CACNA2D3: variants seen among roughly 807,000 people sequenced by gnomAD.
The protein encoded by CACNA2D3 is calcium voltage-gated channel auxiliary subunit alpha2delta 3.
A neutral mutation model predicts 160.6 loss-of-function variants in CACNA2D3; 60 were observed. The ratio of observed to expected loss-of-function variants is 0.37; its 90% CI spans 0.30 to 0.46. The LOEUF (loss-of-function observed/expected upper bound fraction) is 0.46, where lower values mean the gene tolerates loss of function less well. Among genes scored for constraint, CACNA2D3 ranks in the 20% least tolerant of loss-of-function variants. The pLI is 1.00. For missense variants in CACNA2D3, 1,205 were observed against 1,365.0 expected (o/e 0.88, Z 1.85); for synonymous variants, 558 against 492.9 (o/e 1.13, Z -1.75).
intron 2 of CACNA2D3, among the ~76,000 whole-genome samples, chr3:54,279,236 A>T (rs1468221890): frequency 6.6e-6 from 1 of 152,170 alleles, no homozygotes; most frequent in African/African-American, 2.4e-5. Flanking sequence ...TGAGGTGCAG[A>T]TTCTGACTAA....
chr3:54,890,610 G>A (rs958899401), intron 24 of CACNA2D3, among the ~76,000 whole-genome samples: 5 of 152,106 alleles, frequency 3.3e-5, no homozygotes, highest in South Asian at 4.1e-4. Flanking sequence ...TAAAGAACAC[G>A]CTCAAGCATA....
intron 2 of CACNA2D3, among the ~76,000 whole-genome samples, chr3:54,311,988 G>C (rs973518766): frequency 2.0e-5 from 3 of 152,154 alleles, no homozygotes; most frequent in African/African-American, 4.8e-5. Flanking sequence ...GGGTGGGAAC[G>C]TGAGGCTTCT....
At chr3:54,367,891 T>G (rs181800509) in intron 3 of CACNA2D3, among the ~76,000 whole-genome samples, 30 of 152,264 alleles carry the variant, frequency 2.0e-4, no homozygotes, top group Middle Eastern at 3.4e-3. Context: ...CACCTTGAAC[T>G]CTAGTATTTT....
intron 2 of CACNA2D3, among the ~76,000 whole-genome samples, chr3:54,134,818 A>G (rs1375927546): frequency 6.6e-6 from 1 of 152,192 alleles, no homozygotes; most frequent in Non-Finnish European, 1.5e-5. Flanking sequence ...GAGGCATGCT[A>G]GAGTCTCCCC....
At chr3:54,146,343 C>T (rs1363766681) in intron 2 of CACNA2D3, among the ~76,000 whole-genome samples, 1 of 152,218 alleles carries the variant, frequency 6.6e-6, no homozygotes, top group Non-Finnish European at 1.5e-5. Context: ...AGCACAGGGA[C>T]TGATGCTGAG....
intron 2 of CACNA2D3, among the ~76,000 whole-genome samples, chr3:54,228,646 T>C (rs1701715941): frequency 6.6e-6 from 1 of 152,246 alleles, no homozygotes; most frequent in Admixed American, 6.5e-5. Context: ...TGACCCATTT[T>C]ATCTGCAACT....
intron 9 of CACNA2D3, among the ~76,000 whole-genome samples, chr3:54,621,840 C>A (rs372773950): frequency 1.3e-5 from 2 of 152,170 alleles, no homozygotes; most frequent in Admixed American, 6.5e-5. Flanking sequence ...GCATAGAAAG[C>A]GTTGGAGATG....
At chr3:54,474,410 C>G (rs12496551) in intron 4 of CACNA2D3, among the ~76,000 whole-genome samples, 13,552 of 151,280 alleles carry the variant, frequency 0.09, 786 homozygotes, top group Admixed American at 0.14. Context: ...GGGTGGGGGC[C>G]TAGGGGAGGG....
At position 55,011,304 on chromosome 3, in the gene CACNA2D3, G is replaced by A. The variant is rs559928556; in HGVS notation, c.2875+1861G>A. ...TTGGTCTGGTGACCCCCAGGACTGG[G>A]ACCCAATTTTGCTCCTCCCTGCTGG... is the stretch of plus-strand genomic sequence containing the variant. On this transcript the variant is annotated intron_variant, in intron 34 of 37. Coordinates refer to ENST00000474759, the MANE Select transcript of CACNA2D3 (RefSeq NM_018398.3). Among the ~76,000 whole-genome samples, 3 of 152,254 alleles carry A rather than the reference G, an allele frequency of 2.0e-5. No homozygotes were observed. The East Asian group carries it at 5.8e-4, about 29-fold the overall frequency.
At chr3:55,045,607 G>C (rs1197040858) in intron 35 of CACNA2D3, among the ~76,000 whole-genome samples, 1 of 152,136 alleles carries the variant, frequency 6.6e-6, no homozygotes, top group African/African-American at 2.4e-5. Flanking sequence ...ATTATTTCTT[G>C]AGTGAGCTTT....
At chr3:54,555,102 C>T (rs553911885) in intron 5 of CACNA2D3, among the ~76,000 whole-genome samples, 19 of 152,086 alleles carry the variant, frequency 1.2e-4, no homozygotes, top group Non-Finnish European at 2.1e-4. Context: ...TCTCAAACTC[C>T]TGAGCTCAAG....
intron 12 of CACNA2D3, among the ~76,000 whole-genome samples, chr3:54,760,806 C>T (rs1383130711): frequency 6.6e-6 from 1 of 151,998 alleles, no homozygotes; most frequent in Non-Finnish European, 1.5e-5. Context: ...GAAGTGGTGC[C>T]ATTTTCTGAG....
At chr3:54,132,677 A>G (rs1699736319) in intron 2 of CACNA2D3, among the ~76,000 whole-genome samples, 1 of 152,234 alleles carries the variant, frequency 6.6e-6, no homozygotes, top group African/African-American at 2.4e-5. Context: ...AAATATGTAT[A>G]CTTAGAAAGA....
At chr3:54,335,328 A>G (rs894616653) in intron 3 of CACNA2D3, among the ~76,000 whole-genome samples, 16 of 152,078 alleles carry the variant, frequency 1.1e-4, no homozygotes, top group Admixed American at 4.6e-4. Context: ...AAGAATGGCT[A>G]CTCCATAGGC....
Position 54,122,619 on chromosome 3 carries a change from A to G in CACNA2D3, c.-95A>G, listed in dbSNP as rs1182643006. The stretch of plus-strand genomic sequence containing the variant: ...CAGGCGGGGCGGCGCGGAGCGGAGC[A>G]GGCAGCCCCGCGCGCTCGCCCACCG... On this transcript the variant is annotated 5_prime_UTR_variant, in exon 1 of 38. Coordinates refer to ENST00000474759, the MANE Select transcript of CACNA2D3 (RefSeq NM_018398.3). 1 of 784,940 alleles carries G rather than the reference A, an allele frequency of 1.3e-6. No individual in the cohort carries two copies. The highest frequency in any genetic ancestry group is 1.5e-6 in the Non-Finnish European group (1 of 657,468). 48.6% of individuals were successfully genotyped at this position (784,940 alleles called of 1,614,324 possible). A position where few individuals can be genotyped will look rare whatever the true frequency, so the allele number is the denominator to read the frequency against.
intron 29 of CACNA2D3, among the ~76,000 whole-genome samples, chr3:54,971,108 G>T (rs1163120362): frequency 6.7e-6 from 1 of 150,262 alleles, no homozygotes; most frequent in Admixed American, 6.6e-5. Context: ...ATGAGTCACA[G>T]TATCAAAAAA....
chr3:54,551,212 C>T (rs1702151278), intron 5 of CACNA2D3, among the ~76,000 whole-genome samples: 1 of 152,192 alleles, frequency 6.6e-6, no homozygotes, highest in Non-Finnish European at 1.5e-5. Context: ...TACAACCTGC[C>T]CACCCCATGC....
At chr3:54,588,281 A>G (rs1702798959) in intron 9 of CACNA2D3, among the ~76,000 whole-genome samples, 2 of 152,230 alleles carry the variant, frequency 1.3e-5, no homozygotes, top group South Asian at 4.1e-4. Context: ...TTAAAAATAC[A>G]AAACTTCTCA....
intron 4 of CACNA2D3, among the ~76,000 whole-genome samples, chr3:54,464,199 G>C (rs1700566653): frequency 6.6e-6 from 1 of 152,212 alleles, no homozygotes; most frequent in Non-Finnish European, 1.5e-5. Flanking sequence ...GTGCCTCCTA[G>C]TTAGGCTGCT....
Sources: gnomAD v4.1 joint callset for allele counts (sites outside exome capture counted in the v4.1 genomes callset) on GRCh38, gnomAD v4.1.1 for gene constraint, MANE v1.5 for transcripts, NCBI Gene and HGNC (gene_info 2026-07-23, HGNC 2026-07-21) for gene names.